Variants in SLC25A20 observed in about 807,000 individuals in gnomAD.
SLC25A20 encodes mitochondrial carnitine/acylcarnitine carrier protein.
In SLC25A20, 29 loss-of-function variants were observed where a neutral mutation model predicts 39.7. The observed-to-expected ratio is 0.73, with a 90% CI of 0.54 to 1.00. The LOEUF (loss-of-function observed/expected upper bound fraction) is 1.00, where lower values mean the gene tolerates loss of function less well. Ranked by LOEUF, SLC25A20 falls within the 50% of genes least tolerant of loss-of-function variation. The probability of loss-of-function intolerance (pLI) is 0.00; values close to 1 mark genes in which losing one functional copy is unlikely to be tolerated. For missense variants in SLC25A20, 333 were observed against 379.9 expected (o/e 0.88, Z 1.03); for synonymous variants, 103 against 142.2 (o/e 0.72, Z 1.96).
At position 48,892,067 on chromosome 3, in the gene SLC25A20, T is replaced by C. The variant is rs1231108049; in HGVS notation, c.111A>G (p.Arg37=). 6.2e-7 allele frequency: 1 copy of C among 1,613,822 alleles called. No individual in the cohort carries two copies. The highest frequency in any genetic ancestry group is 2.2e-5 in the East Asian group (1 of 44,882). The change falls in exon 2 of 9, where the codon CGA becomes CGG. Residue 37 remains arginine (R), a synonymous_variant. Coordinates refer to ENST00000319017, the MANE Select transcript of SLC25A20 (RefSeq NM_000387.6). ...GCAAACTCGGTGGCTGTGTCTGCAG[T>C]CGGACCTGAAAACAGAAGTTAAAAT... ...VGHPLDTVKV[R]LQTQPPSLPG...
chr3:48,867,599 C>T (rs1483579931), intron 4 of SLC25A20, among the ~76,000 whole-genome samples: 5 of 150,776 alleles, frequency 3.3e-5, no homozygotes, highest in African/African-American at 1.2e-4. Flanking sequence ...ATGTTTATGC[C>T]TTTATTCCTG....
chr3:48,858,364 G>A, intron 8 of SLC25A20, 143 bp downstream of exon 8: 1 of 1,225,278 alleles, frequency 8.2e-7, no homozygotes, highest in Non-Finnish European at 1.2e-6. Context: ...TCAAGGAAGG[G>A]AGCAAATAAG....
At chr3:48,894,826 T>C (rs1310526364) in intron 1 of SLC25A20, among the ~76,000 whole-genome samples, 1 of 152,172 alleles carries the variant, frequency 6.6e-6, no homozygotes, top group Non-Finnish European at 1.5e-5. Flanking sequence ...TGTTTTGTTT[T>C]GTTTTGTTTT....
chr3:48,872,180 G>C (rs996033836), intron 4 of SLC25A20, among the ~76,000 whole-genome samples: 1 of 149,756 alleles, frequency 6.7e-6, no homozygotes, highest in African/African-American at 2.5e-5. Flanking sequence ...GCCCAGGCTG[G>C]AGTGCAGTGG....
At chr3:48,859,308 T>G in intron 6 of SLC25A20, 107 bp from the exon 7 acceptor site, 1 of 1,054,358 alleles carries the variant, frequency 9.5e-7, no homozygotes, top group Middle Eastern at 2.0e-4. Context: ...AGAAACTGGT[T>G]GGAGGGAGGA....
chr3:48,871,487 G>C (rs1305412524), intron 4 of SLC25A20, among the ~76,000 whole-genome samples: 1 of 152,120 alleles, frequency 6.6e-6, no homozygotes, highest in African/African-American at 2.4e-5. Context: ...GAGAAACAAG[G>C]CTGGGCGCAG....
intron 4 of SLC25A20, among the ~76,000 whole-genome samples, chr3:48,863,282 G>C (rs1233209773): frequency 6.6e-6 from 1 of 152,200 alleles, no homozygotes; most frequent in Non-Finnish European, 1.5e-5. Flanking sequence ...AAATACTTTA[G>C]TCATTCATTT....
chr3:48,876,551 G>A (rs924601158), intron 4 of SLC25A20, among the ~76,000 whole-genome samples: 13 of 150,754 alleles, frequency 8.6e-5, no homozygotes, highest in Admixed American at 6.0e-4. Flanking sequence ...TCAGCCTCCC[G>A]AGTAGCTGGG....
At position 48,879,373 on chromosome 3, in the gene SLC25A20, G is replaced by A. The variant is rs747024236; in HGVS notation, c.402C>T (p.Ile134=). ...TTGIMTPGER[I]KCLLQIQASS... ...ACAACCTTACCTGTAATAAGCACTT[G>A]ATCCGTTCTCCAGGAGTCATGATTC... Residue 134 remains isoleucine (I), a synonymous_variant, in exon 4 of 9, where the codon ATC becomes ATT. Coordinates refer to ENST00000319017, the MANE Select transcript of SLC25A20 (RefSeq NM_000387.6). 5.0e-6 allele frequency: 8 copies of A among 1,611,954 alleles called. No homozygotes were observed. The East Asian group carries it at 1.8e-4, about 36-fold the overall frequency.
At chr3:48,881,630 C>T (rs944355014) in intron 3 of SLC25A20, among the ~76,000 whole-genome samples, 1 of 152,090 alleles carries the variant, frequency 6.6e-6, no homozygotes, top group African/African-American at 2.4e-5. Flanking sequence ...GGAGTGGGGT[C>T]CTGAGTGTCT....
At chr3:48,896,613 C>G (rs923748961) in intron 1 of SLC25A20, among the ~76,000 whole-genome samples, 1 of 151,998 alleles carries the variant, frequency 6.6e-6, no homozygotes, top group East Asian at 1.9e-4. Context: ...TGGGTTCAAG[C>G]GATTCTCCTG....
chr3:48,888,516 C>T (rs1262338962), intron 2 of SLC25A20, among the ~76,000 whole-genome samples: 1 of 150,948 alleles, frequency 6.6e-6, no homozygotes, highest in Non-Finnish European at 1.5e-5. Context: ...TTTGCAGTGA[C>T]CGAGATTGCG....
chr3:48,890,457 G>A (rs2083864360), intron 2 of SLC25A20, among the ~76,000 whole-genome samples: 1 of 151,810 alleles, frequency 6.6e-6, no homozygotes, highest in Non-Finnish European at 1.5e-5. Flanking sequence ...CCAAAGTGCT[G>A]GGATTACAGG....
intron 8 of SLC25A20, 79 bp downstream of exon 8, chr3:48,858,428 C>A: frequency 6.2e-7 from 1 of 1,602,956 alleles, no homozygotes; most frequent in Admixed American, 1.7e-5. Flanking sequence ...CAGTCCTATC[C>A]CAGGAACAAG....
At chr3:48,891,322 A>T (rs1336543588) in intron 2 of SLC25A20, among the ~76,000 whole-genome samples, 1 of 150,292 alleles carries the variant, frequency 6.7e-6, no homozygotes, top group African/African-American at 2.5e-5. Context: ...CAATCCACCC[A>T]CCTTGGCCTC....
At chr3:48,873,472 G>C (rs1309021965) in intron 4 of SLC25A20, among the ~76,000 whole-genome samples, 1 of 151,650 alleles carries the variant, frequency 6.6e-6, no homozygotes, top group Non-Finnish European at 1.5e-5. Context: ...AGCTGGGCGT[G>C]GTGGTGTGTG....
At chr3:48,865,079 A>G (rs1393907025) in intron 4 of SLC25A20, among the ~76,000 whole-genome samples, 1 of 152,150 alleles carries the variant, frequency 6.6e-6, no homozygotes, top group Non-Finnish European at 1.5e-5. Flanking sequence ...GCATCCACAT[A>G]GAAATGTTGG....
At chr3:48,894,430 T>G (rs2083898869) in intron 1 of SLC25A20, among the ~76,000 whole-genome samples, 1 of 150,316 alleles carries the variant, frequency 6.7e-6, no homozygotes, top group Non-Finnish European at 1.5e-5. Context: ...CCAGGTAACT[T>G]TTGCATTTTT....
At chr3:48,895,045 G>A (rs1307610413) in intron 1 of SLC25A20, among the ~76,000 whole-genome samples, 6 of 5,780 alleles carry the variant, frequency 1.0e-3, no homozygotes, top group African/African-American at 1.7e-3. Context: ...AGTTTCACTC[G>A]TCGCCCAGGC....
Sources: gnomAD v4.1 joint callset for allele counts (sites outside exome capture counted in the v4.1 genomes callset) on GRCh38, gnomAD v4.1.1 for gene constraint, MANE v1.5 for transcripts, NCBI Gene and HGNC (gene_info 2026-07-23, HGNC 2026-07-21) for gene names.